Variants in ALOX15 observed in about 807,000 individuals in gnomAD.
ALOX15 encodes arachidonate 15-lipoxygenase.
In ALOX15, 68 loss-of-function variants were observed where a neutral mutation model predicts 71.7. The observed-to-expected ratio is 0.95, with a 90% CI of 0.78 to 1.16. The LOEUF is 1.16. Among genes scored for constraint, ALOX15 ranks in the 50% most tolerant of loss-of-function variants. The probability of loss-of-function intolerance (pLI) is 0.00; values close to 1 mark genes in which losing one functional copy is unlikely to be tolerated. For synonymous variants in ALOX15, 346 were observed against 333.3 expected (o/e 1.04, Z -0.42); for missense variants, 798 against 818.8 (o/e 0.97, Z 0.31).
rs147083325 is a variant in ALOX15, at chr17:4,638,678, G to T, written c.549C>A (p.Ala183=). 22 of 1,614,112 alleles carry T rather than the reference G, an allele frequency of 1.4e-5. No homozygotes were observed. The highest frequency in any genetic ancestry group is 1.7e-5 in the Non-Finnish European group (20 of 1,180,020). Residue 183 remains alanine, a synonymous_variant, in exon 5 of 14, where the codon GCC becomes GCA. Transcript: ENST00000293761. Reference sequence around the variant, plus strand: ...TTAGAGAGTCTTTGATAGCGAGGTCGGCCAGCCTTCAGGGCAGGATGGGGC... The same window carrying T: ...TTAGAGAGTCTTTGATAGCGAGGTCTGCCAGCCTTCAGGGCAGGATGGGGC... ...DFEVSLAKGL[A]DLAIKDSLNV...
rs1911126934 is a variant in ALOX15 at position 4,637,166 on chromosome 17, T to C, written c.900A>G (p.Leu300=). ...CATCAGGCTGCAATTTCAGCATGAC[T>C]AGAGGGGCAGCCAGGTGCTGCTGGC... is the stretch of plus-strand genomic sequence containing the variant. The part of the protein sequence containing the change: ...LCSQQHLAAP[L]VMLKLQPDGK... The change falls in exon 7 of 14, where the codon CTA becomes CTG. Residue 300 remains leucine (L), a synonymous_variant. Transcript: ENST00000293761. 3 of 1,613,928 alleles carry C rather than the reference T, an allele frequency of 1.9e-6. No individual in the cohort carries two copies. Among genetic ancestry groups the C allele is most frequent in the Non-Finnish European group, 2.5e-6 (3 of 1,179,902 alleles).
Position 4,631,392 on chromosome 17 carries a change from GAGGA to G in ALOX15, c.*204_*207del, listed in dbSNP as rs1476180879. ...AGAGAGAGGAAGGAAGATAGGAAAGGAGGAAGGAAGGAAAGAGGAGTAAGGTCCC... is the reference window on the plus strand; with the variant it reads ...AGAGAGAGGAAGGAAGATAGGAAAGGAGGAAGGAAAGAGGAGTAAGGTCCC... On this transcript the variant is annotated 3_prime_UTR_variant, in exon 14 of 14. Transcript: ENST00000293761. The G allele has an allele frequency of 1.2e-5, 7 of 582,456 alleles. No homozygotes were observed. In the East Asian group the frequency reaches 1.4e-4, roughly 12 times the overall value. 36.1% of individuals were successfully genotyped at this position (582,456 alleles called of 1,614,324 possible). A position where few individuals can be genotyped will look rare whatever the true frequency, so the allele number is the denominator to read the frequency against.
Position 4,631,885 on chromosome 17 carries a change from T to G in ALOX15, c.1809+4A>C. ...CCTTAGGGCCCTGGGCACTCAGCTC[T>G]CACCATAACGGGCTGGCGTCTGCCC... On this transcript the variant is annotated splice_donor_region_variant and intron_variant, in intron 13 of 13. Transcript: ENST00000293761. The G allele has an allele frequency of 6.2e-7, 1 of 1,610,302 alleles. No homozygotes were observed. The highest frequency in any genetic ancestry group is 8.5e-7 in the Non-Finnish European group (1 of 1,177,684).
chr17:4,634,439 ATT>A (rs1418537026), intron 8 of ALOX15, among the ~76,000 whole-genome samples: 13 of 150,738 alleles, frequency 8.6e-5, no homozygotes, highest in African/African-American at 2.9e-4. Context: ...AGTAGCTGGG[ATT>A]ACAGGCGTGA....
At position 4,631,356 on chromosome 17, in the gene ALOX15, G is replaced by A. The variant is rs1597428320; in HGVS notation, c.*244C>T. On this transcript the variant is annotated 3_prime_UTR_variant, in exon 14 of 14. Transcript: ENST00000293761. ...TATTTGCCATATAGATCTGAATGAA[G>A]AAAGAGGAAGAGAGAGAGGAAGGAA... The A allele has an allele frequency of 3.7e-6, 2 of 543,166 alleles. No individual in the cohort carries two copies. Among genetic ancestry groups the A allele is most frequent in the East Asian group, 5.9e-5 (2 of 34,100 alleles). 33.6% of individuals were successfully genotyped at this position (543,166 alleles called of 1,614,324 possible).
rs888055680 is a variant in ALOX15 at position 4,631,487 on chromosome 17, G to A, written c.*113C>T. 1.1e-5 allele frequency: 14 copies of A among 1,329,022 alleles called. No individual in the cohort carries two copies. Among genetic ancestry groups the A allele is most frequent in the Admixed American group, 8.8e-5 (4 of 45,712 alleles). The allele number at this position is 1,329,022 out of a possible 1,614,324, so 82.3% of individuals were successfully genotyped here. A position where few individuals can be genotyped will look rare whatever the true frequency, so the allele number is the denominator to read the frequency against. ...AGACCATGAAAAGGTGCCCCTCTAGGGAGGGTGGGACATGGGAAGAGGGTG... is the reference window on the plus strand; with the variant it reads ...AGACCATGAAAAGGTGCCCCTCTAGAGAGGGTGGGACATGGGAAGAGGGTG... On this transcript the variant is annotated 3_prime_UTR_variant, in exon 14 of 14. Coordinates refer to ENST00000293761, the MANE Select transcript of ALOX15 (RefSeq NM_001140.5).
rs1276691116 is a variant in ALOX15 at position 4,636,840 on chromosome 17, C to A, written c.951+275G>T. On this transcript the variant is annotated intron_variant, in intron 7 of 13. Coordinates refer to ENST00000293761, the MANE Select transcript of ALOX15 (RefSeq NM_001140.5). ...CCTGCTTGTCTGAGACCTGGCCCTC[C>A]TCCAAAGCTCGTGACACCCCACCTC... Among the ~76,000 whole-genome samples the A allele has an allele frequency of 3.3e-5, 5 of 152,058 alleles. No individual in the cohort carries two copies. The East Asian group carries it at 9.7e-4, about 29-fold the overall frequency.
chr17:4,637,252 T>C lies in ALOX15; in HGVS notation c.814A>G (p.Thr272Ala). The C allele has an allele frequency of 6.2e-7, 1 of 1,611,540 alleles. No individual in the cohort carries two copies. Among genetic ancestry groups the C allele is most frequent in the Non-Finnish European group, 8.5e-7 (1 of 1,178,358 alleles). ...AGGGAGAAGTCAGCTTCGAACAGTG[T>C]GCCTCCCTGGGTGGGGGAAGAGGTC... is the stretch of plus-strand genomic sequence containing the variant. ...AQLEKELEGG[T>A]LFEADFSLLD... The change falls in exon 7 of 14, where the codon ACA (threonine) becomes GCA (alanine). Residue 272 changes from threonine to alanine, a missense_variant. By Grantham distance (58) the Thr-to-Ala change is moderately conservative. This residue lies in a region of ALOX15 where 490 missense variants were observed against 509.4 expected (regional missense o/e 0.96). Coordinates refer to ENST00000293761, the MANE Select transcript of ALOX15 (RefSeq NM_001140.5).
intron 8 of ALOX15, among the ~76,000 whole-genome samples, chr17:4,635,025 G>T (rs1355341252): frequency 1.3e-5 from 2 of 151,660 alleles, no homozygotes; most frequent in Admixed American, 1.3e-4. Context: ...TCCCTTGGGG[G>T]ACATTGTGCC....
rs1056982794 is a variant in ALOX15, at chr17:4,630,978, T to C, written c.*622A>G. ...TCCTAGTTCTTTTCCATCTTTAGCG[T>C]AAAACAACTTTTTATTATTGTTAAA... On this transcript the variant is annotated 3_prime_UTR_variant, in exon 14 of 14. Transcript: ENST00000293761. 1 of 152,388 alleles carries C rather than the reference T, an allele frequency of 6.6e-6. No individual in the cohort carries two copies. The highest frequency in any genetic ancestry group is 1.5e-5 in the Non-Finnish European group (1 of 68,056). The allele number at this position is 152,388 out of a possible 1,614,324, so 9.4% of individuals were successfully genotyped here.
At chr17:4,634,299 TTTG>T (rs1382044061) in intron 8 of ALOX15, among the ~76,000 whole-genome samples, 6 of 152,156 alleles carry the variant, frequency 3.9e-5, no homozygotes, top group South Asian at 2.1e-4. Context: ...GAAATCATTC[TTTG>T]TTGTTGTTGT....
At chr17:4,636,342 T>C (rs559790881) in intron 7 of ALOX15, among the ~76,000 whole-genome samples, 2 of 152,346 alleles carry the variant, frequency 1.3e-5, no homozygotes, top group African/African-American at 4.8e-5. Context: ...GAATCTCTTG[T>C]TCTCAGCTGC....
intron 6 of ALOX15, 87 bp from the exon 7 acceptor site, chr17:4,637,345 C>G: frequency 1.4e-6 from 2 of 1,431,832 alleles, no homozygotes; most frequent in South Asian, 1.5e-5. Context: ...GAGAGTGGAG[C>G]TAACTCGTCT....
At position 4,635,973 on chromosome 17, in the gene ALOX15, A is replaced by T; in HGVS notation, c.952-5T>A. On this transcript the variant is annotated splice_region_variant and splice_polypyrimidine_tract_variant and intron_variant, in intron 7 of 13. Coordinates refer to ENST00000293761, the MANE Select transcript of ALOX15 (RefSeq NM_001140.5). ...TCCTGTGCGGGGCAGCTGGAGCTGG[A>T]GCAGGGACAAGTGTGGGGAGAGAAG... The T allele has an allele frequency of 2.5e-6, 4 of 1,613,154 alleles. No homozygotes were observed. Among genetic ancestry groups the T allele is most frequent in the Non-Finnish European group, 3.4e-6 (4 of 1,179,934 alleles).
intron 8 of ALOX15, 131 bp downstream of exon 8, chr17:4,635,628 T>C (rs11568115): frequency 0.019 from 16,351 of 868,966 alleles, 475 homozygotes; most frequent in African/African-American, 0.1. Context: ...TCATTCTCTG[T>C]TGCTCTCACA....
chr17:4,637,382 G>T, intron 6 of ALOX15, 124 bp from the exon 7 acceptor site: 1 of 1,143,794 alleles, frequency 8.7e-7, no homozygotes, highest in Non-Finnish European at 1.2e-6. Context: ...ACCAGGTAAT[G>T]GATCATGTGC....
At chr17:4,634,823 AC>A (rs1911037906) in intron 8 of ALOX15, among the ~76,000 whole-genome samples, 1 of 151,860 alleles carries the variant, frequency 6.6e-6, no homozygotes, top group Non-Finnish European at 1.5e-5. Context: ...TACTAAAAAT[AC>A]AAAAATTAGC....
chr17:4,632,104 C>A, intron 12 of ALOX15, 48 bp from the exon 13 acceptor site: 2 of 1,610,530 alleles, frequency 1.2e-6, no homozygotes, highest in Non-Finnish European at 1.7e-6. Context: ...AGCACGCGAG[C>A]CCCGTGGTCC....
In ALOX15 at chr17:4,638,636, C is replaced by T. The variant is rs746200809; in HGVS notation, c.591G>A (p.Trp197Ter). 1 of 1,614,210 alleles carries T rather than the reference C, an allele frequency of 6.2e-7. No homozygotes were observed. The highest frequency in any genetic ancestry group is 1.1e-5 in the South Asian group (1 of 91,086). ...IKDSLNVLTCWKDLDDFNRIF... is the reference protein window; with the variant it reads ...IKDSLNVLTC ...TCCGGTTGAAGTCATCTAGATCCTT[C>T]CAGCAAGTCAGAACATTTAGAGAGT... The change falls in exon 5 of 14, where the codon TGG becomes TGA. Residue 197 changes from tryptophan to a stop codon, truncating the protein, a stop_gained. Coordinates refer to ENST00000293761, the MANE Select transcript of ALOX15 (RefSeq NM_001140.5). LOFTEE classifies it high-confidence loss of function.
Sources: allele counts gnomAD v4.1 joint callset (sites outside exome capture counted in the v4.1 genomes callset), GRCh38; gene constraint gnomAD v4.1.1; regional missense constraint gnomAD v4.1.1; transcripts MANE v1.5; gene names NCBI Gene and HGNC (gene_info 2026-07-23, HGNC 2026-07-21).